DNAJC3: variants seen among roughly 807,000 people sequenced by gnomAD.
The protein encoded by DNAJC3 is DnaJ heat shock protein family (Hsp40) member C3, also known as dnaJ homolog subfamily C member 3.
DNAJC3 carries 38 observed loss-of-function variants against 68.6 expected under a neutral mutation model. The ratio of observed to expected loss-of-function variants is 0.55; its 90% CI spans 0.43 to 0.73. The LOEUF is 0.73. Ranked by LOEUF, DNAJC3 falls within the 30% of genes least tolerant of loss-of-function variation. The probability of loss-of-function intolerance (pLI) is 0.00; values close to 1 mark genes in which losing one functional copy is unlikely to be tolerated. For synonymous variants in DNAJC3, 203 were observed against 204.0 expected (o/e 1.00, Z 0.04); for missense variants, 526 against 591.9 (o/e 0.89, Z 1.16).
intron 1 of DNAJC3, among the ~76,000 whole-genome samples, chr13:95,681,892 A>G (rs1879924386): frequency 6.6e-6 from 1 of 152,178 alleles, no homozygotes; most frequent in African/African-American, 2.4e-5. Flanking sequence ...TTCTACCTCA[A>G]AATTCACTAG....
intron 4 of DNAJC3, among the ~76,000 whole-genome samples, chr13:95,754,145 T>C (rs369260856): frequency 2.6e-5 from 4 of 152,174 alleles, no homozygotes; most frequent in African/African-American, 9.7e-5. Flanking sequence ...TACTGCAGGG[T>C]CATGGCCTAC....
chr13:95,709,301 C>T lies in DNAJC3; in HGVS notation c.157C>T (p.Leu53=). The T allele has an allele frequency of 6.3e-7, 1 of 1,588,498 alleles. No homozygotes were observed. The highest frequency in any genetic ancestry group is 8.6e-7 in the Non-Finnish European group (1 of 1,168,666). ...LGKKLLAAGQ[L]ADALSQFHAA... is the part of the protein sequence containing the mutation. Reference sequence around the variant, plus strand: ...CAAGAAATTACTTGCAGCTGGACAGCTAGCTGATGCTTTATCTCAGTTTCA... The same window carrying T: ...CAAGAAATTACTTGCAGCTGGACAGTTAGCTGATGCTTTATCTCAGTTTCA... The change falls in exon 2 of 12, where the codon CTA becomes TTA. Residue 53 remains leucine, a synonymous_variant. Transcript: ENST00000602402.
At chr13:95,680,130 T>C (rs1158012622) in intron 1 of DNAJC3, among the ~76,000 whole-genome samples, 1 of 152,238 alleles carries the variant, frequency 6.6e-6, no homozygotes, top group Non-Finnish European at 1.5e-5. Context: ...AGTATTCTCA[T>C]GTTACAGATA....
chr13:95,779,127 T>A, intron 9 of DNAJC3, among the ~76,000 whole-genome samples: 1 of 138,198 alleles, frequency 7.2e-6, no homozygotes, highest in South Asian at 2.4e-4. Context: ...TTCTTTTTTT[T>A]TTTTTTTTTT....
chr13:95,753,056 C>T (rs1024285963), intron 4 of DNAJC3, among the ~76,000 whole-genome samples: 1 of 152,082 alleles, frequency 6.6e-6, no homozygotes, highest in African/African-American at 2.4e-5. Flanking sequence ...TCTAGTTATC[C>T]AACTATTTCT....
chr13:95,720,558 T>G (rs2139637880), intron 2 of DNAJC3, among the ~76,000 whole-genome samples: 1 of 152,276 alleles, frequency 6.6e-6, no homozygotes, highest in Admixed American at 6.5e-5. Flanking sequence ...CCATAAAATT[T>G]TAATTTATTG....
intron 1 of DNAJC3, among the ~76,000 whole-genome samples, chr13:95,687,259 T>C (rs1186459697): frequency 6.6e-6 from 1 of 152,212 alleles, no homozygotes. Flanking sequence ...TTTATCGGTC[T>C]TGGAGTCCTT....
At chr13:95,748,361 C>G (rs536029151) in intron 4 of DNAJC3, among the ~76,000 whole-genome samples, 13 of 152,272 alleles carry the variant, frequency 8.5e-5, no homozygotes, top group Non-Finnish European at 1.5e-4. Flanking sequence ...TTGATAAACT[C>G]TCCTTTGGTA....
At chr13:95,696,444 C>T (rs1023117097) in intron 1 of DNAJC3, among the ~76,000 whole-genome samples, 13 of 152,158 alleles carry the variant, frequency 8.5e-5, no homozygotes, top group African/African-American at 2.4e-4. Flanking sequence ...TTAAATAAGA[C>T]GTCTTGATGG....
At chr13:95,752,499 A>G (rs543979788) in intron 4 of DNAJC3, among the ~76,000 whole-genome samples, 12 of 152,304 alleles carry the variant, frequency 7.9e-5, no homozygotes, top group East Asian at 3.9e-4. Flanking sequence ...TGAAGATACT[A>G]TGGCCTCACA....
chr13:95,760,072 T>G lies in DNAJC3; in HGVS notation c.579T>G (p.Leu193=), dbSNP rs1882774584. The change falls in exon 6 of 12, where the codon CTT becomes CTG. Residue 193 remains leucine, a synonymous_variant. Coordinates refer to ENST00000602402, the MANE Select transcript of DNAJC3 (RefSeq NM_006260.5). The part of the protein sequence containing the change: ...VCVWDAELRE[L]RAECFIKEGE... Reference sequence around the variant, plus strand: ...TTTGGGATGCAGAACTACGGGAACTTCGAGCTGAATGTTTTATAAAAGAAG... The same window carrying G: ...TTTGGGATGCAGAACTACGGGAACTGCGAGCTGAATGTTTTATAAAAGAAG... The G allele has an allele frequency of 1.2e-6, 2 of 1,608,212 alleles. No homozygotes were observed. Among genetic ancestry groups the G allele is most frequent in the Non-Finnish European group, 8.5e-7 (1 of 1,176,854 alleles).
rs780975623 is a variant in DNAJC3 at position 95,741,342 on chromosome 13, G to A, written c.393+16090G>A. On this transcript the variant is annotated intron_variant, in intron 4 of 11. Transcript: ENST00000602402. The stretch of plus-strand genomic sequence containing the variant: ...TGGCTGGCTGTAATCAGTGTCAGTG[G>A]TATCTGTGATTTCTTCAGTGGCTTA... Among the ~76,000 whole-genome samples, 11 of 152,264 alleles carry A rather than the reference G, an allele frequency of 7.2e-5. No individual in the cohort carries two copies. The South Asian group carries it at 1.5e-3, about 20-fold the overall frequency.
intron 2 of DNAJC3, among the ~76,000 whole-genome samples, chr13:95,720,424 C>T (rs1490321073): frequency 6.6e-6 from 1 of 152,094 alleles, no homozygotes; most frequent in African/African-American, 2.4e-5. Context: ...AGAAGAAACC[C>T]CATCTCTCTG....
At chr13:95,721,220 G>A (rs139129920) in intron 2 of DNAJC3, among the ~76,000 whole-genome samples, 6 of 152,212 alleles carry the variant, frequency 3.9e-5, no homozygotes, top group Middle Eastern at 3.4e-3. Flanking sequence ...CATCCATGTT[G>A]TAGCATGCCT....
chr13:95,717,017 G>C (rs1393241635), intron 2 of DNAJC3, among the ~76,000 whole-genome samples: 1 of 152,120 alleles, frequency 6.6e-6, no homozygotes, highest in Non-Finnish European at 1.5e-5. Flanking sequence ...TTATGCAGTA[G>C]GTGGTGATGG....
chr13:95,677,182 A>C lies in DNAJC3; in HGVS notation c.-74A>C. 3 of 1,433,572 alleles carry C rather than the reference A, an allele frequency of 2.1e-6. No individual in the cohort carries two copies. The highest frequency in any genetic ancestry group is 1.5e-5 in the African/African-American group (1 of 68,450). The allele number at this position is 1,433,572 out of a possible 1,614,324, so 88.8% of individuals were successfully genotyped here. On this transcript the variant is annotated 5_prime_UTR_variant, in exon 1 of 12. Transcript: ENST00000602402. ...GCGAGAGCCGACGGCGGGCGGGCGC[A>C]GCTGCTGCCGGAGCGCCGGCGCGTG...
chr13:95,713,669 A>C (rs1399318595), intron 2 of DNAJC3, among the ~76,000 whole-genome samples: 1 of 152,236 alleles, frequency 6.6e-6, no homozygotes, highest in East Asian at 1.9e-4. Flanking sequence ...GGACTTCTTC[A>C]TGAGTTGCCT....
At chr13:95,742,958 G>A (rs548977464) in intron 4 of DNAJC3, 4 of 444,392 alleles carry the variant, frequency 9.0e-6, no homozygotes, top group African/African-American at 4.1e-5. Context: ...TTTGTATGAT[G>A]GTATGAGGTT....
chr13:95,775,901 C>T lies in DNAJC3; in HGVS notation c.1076-10038C>T, dbSNP rs566268664. Among the ~76,000 whole-genome samples the T allele has an allele frequency of 4.1e-4, 62 of 152,244 alleles. 1 individual carries two copies. In the South Asian group the frequency reaches 5.6e-3, roughly 14 times the overall value. ...TTACTGTCTCTCTGCCAGAAGAAAC[C>T]TATGCCTCTGTCTTACTAAGAACAT... On this transcript the variant is annotated intron_variant, in intron 9 of 11. Coordinates refer to ENST00000602402, the MANE Select transcript of DNAJC3 (RefSeq NM_006260.5).
Sources: allele counts gnomAD v4.1 joint callset (sites outside exome capture counted in the v4.1 genomes callset), GRCh38; gene constraint gnomAD v4.1.1; transcripts MANE v1.5; gene names NCBI Gene and HGNC (gene_info 2026-07-23, HGNC 2026-07-21).